BIN1: variants seen among roughly 807,000 people sequenced by gnomAD.
BIN1 encodes the protein bridging integrator 1, also known as myc box-dependent-interacting protein 1.
In BIN1, 53 loss-of-function variants were observed where a neutral mutation model predicts 82.0. The ratio of observed to expected loss-of-function variants is 0.65; its 90% CI spans 0.52 to 0.81. The LOEUF is 0.81. BIN1 is among the 40% of genes least tolerant of loss of function. BIN1 has a pLI of 0.00. For missense variants in BIN1, 642 were observed against 784.4 expected (o/e 0.82, Z 2.17); for synonymous variants, 302 against 328.0 (o/e 0.92, Z 0.86).
rs1170417423 is a variant in BIN1, at chr2:127,049,174, G to C, written c.1675-541C>G. Among the ~76,000 whole-genome samples, 6 of 152,354 alleles carry C rather than the reference G, an allele frequency of 3.9e-5. 1 individual carries two copies. In the East Asian group the frequency reaches 1.2e-3, roughly 29 times the overall value. On this transcript the variant is annotated intron_variant, in intron 18 of 18. Coordinates refer to ENST00000316724, the MANE Select transcript of BIN1 (RefSeq NM_139343.3). Reference sequence around the variant, plus strand: ...CCGAGGCTGCCCCTGCAGCTGGGCTGTGCCTGGGGCCTACCTGGGTCTTTG... The same window carrying C: ...CCGAGGCTGCCCCTGCAGCTGGGCTCTGCCTGGGGCCTACCTGGGTCTTTG...
At chr2:127,049,982 T>TGG (rs1682680398) in intron 18 of BIN1, among the ~76,000 whole-genome samples, 2 of 152,192 alleles carry the variant, frequency 1.3e-5, no homozygotes, top group Non-Finnish European at 2.9e-5. Context: ...CGGGGCTTCA[T>TGG]GAGCCCAACC....
At chr2:127,101,000 G>GGC (rs1680259050) in intron 1 of BIN1, among the ~76,000 whole-genome samples, 1 of 107,576 alleles carries the variant, frequency 9.3e-6, no homozygotes, top group African/African-American at 3.7e-5. Flanking sequence ...AGGAATGTGC[G>GGC]GGGGGTGGGG....
At chr2:127,054,077 G>A in intron 12 of BIN1, 65 bp from the exon 13 acceptor site, 2 of 1,380,716 alleles carry the variant, frequency 1.4e-6, no homozygotes, top group Admixed American at 2.0e-5. Flanking sequence ...CCTCACCCCA[G>A]GCAGACACTG....
intron 1 of BIN1, among the ~76,000 whole-genome samples, chr2:127,083,408 G>A (rs1003406123): frequency 2.0e-5 from 3 of 152,122 alleles, no homozygotes; most frequent in Non-Finnish European, 2.9e-5. Context: ...AACCGTTCCT[G>A]CATTTGTATG....
At chr2:127,078,564 G>C (rs1302224519) in intron 1 of BIN1, among the ~76,000 whole-genome samples, 1 of 152,162 alleles carries the variant, frequency 6.6e-6, no homozygotes, top group South Asian at 2.1e-4. Context: ...TGGGCACCGG[G>C]AGGCAGCCAC....
chr2:127,083,272 G>T (rs1163305562), intron 1 of BIN1, among the ~76,000 whole-genome samples: 1 of 151,838 alleles, frequency 6.6e-6, no homozygotes, highest in Non-Finnish European at 1.5e-5. Flanking sequence ...TAGAGACAGG[G>T]CCTCGCTATG....
At chr2:127,071,989 C>T (rs1428153530) in intron 2 of BIN1, among the ~76,000 whole-genome samples, 3 of 152,140 alleles carry the variant, frequency 2.0e-5, no homozygotes, top group South Asian at 2.1e-4. Flanking sequence ...GGCTGACCTT[C>T]GTAGTAGAAG....
At chr2:127,060,536 T>A (rs1345449387) in intron 10 of BIN1, 4 of 1,611,212 alleles carry the variant, frequency 2.5e-6, no homozygotes, top group Admixed American at 1.7e-5. Flanking sequence ...GCAAGGCGCA[T>A]GCACAGGGCC....
At chr2:127,071,729 G>A (rs970661625) in intron 2 of BIN1, among the ~76,000 whole-genome samples, 4 of 152,186 alleles carry the variant, frequency 2.6e-5, no homozygotes, top group South Asian at 2.1e-4. Context: ...GGCTGCACAC[G>A]GGCTTTGAGG....
In BIN1 at chr2:127,068,063, G is replaced by T; in HGVS notation, c.612+100C>A. 2 of 1,249,182 alleles carry T rather than the reference G, an allele frequency of 1.6e-6. No individual in the cohort carries two copies. Among genetic ancestry groups the T allele is most frequent in the Non-Finnish European group, 2.3e-6 (2 of 874,206 alleles). 77.4% of individuals were successfully genotyped at this position (1,249,182 alleles called of 1,614,324 possible). The stretch of plus-strand genomic sequence containing the variant: ...GAGGCCTTTGAAAAACCCTGCCCCA[G>T]CTGGGCTCAGATGCCAGCCCTGCAT... On this transcript the variant is annotated intron_variant, in intron 7 of 18. Coordinates refer to ENST00000316724, the MANE Select transcript of BIN1 (RefSeq NM_139343.3). The surrounding 1 kb of genome is among the most constrained non-coding windows in gnomAD (Gnocchi z 4.9).
intron 9 of BIN1, among the ~76,000 whole-genome samples, chr2:127,062,970 T>C (rs1005487788): frequency 6.6e-6 from 1 of 152,216 alleles, no homozygotes. Flanking sequence ...TTCATCCATC[T>C]GGGCCCAAGA....
chr2:127,086,257 C>G (rs1210688159), intron 1 of BIN1, among the ~76,000 whole-genome samples: 6 of 152,192 alleles, frequency 3.9e-5, no homozygotes, highest in Non-Finnish European at 7.3e-5. Flanking sequence ...CTTTTGACTC[C>G]CAAACTGGGG....
At chr2:127,048,658 A>G in intron 18 of BIN1, 25 bp from the exon 19 acceptor site, 2 of 1,609,248 alleles carry the variant, frequency 1.2e-6, no homozygotes, top group Non-Finnish European at 1.7e-6. Context: ...ACCAGGTCGC[A>G]CAGGGATGAG....
In BIN1 at chr2:127,057,732, G is replaced by T; in HGVS notation, c.1003-131C>A. On this transcript the variant is annotated intron_variant, in intron 11 of 18. Coordinates refer to ENST00000316724, the MANE Select transcript of BIN1 (RefSeq NM_139343.3). This position sits in a 1 kb window ranked among gnomAD's most constrained non-coding sequence, Gnocchi z 5.0. The stretch of plus-strand genomic sequence containing the variant: ...ACAGTCCCACCCAGGCCACTGAGCA[G>T]GACGCAGCAAATGAAGAGTCACTGC... The T allele has an allele frequency of 8.4e-7, 1 of 1,188,740 alleles. No individual in the cohort carries two copies. Among genetic ancestry groups the T allele is most frequent in the Non-Finnish European group, 1.1e-6 (1 of 904,488 alleles). 73.6% of individuals were successfully genotyped at this position (1,188,740 alleles called of 1,614,324 possible). A position where few individuals can be genotyped will look rare whatever the true frequency, so the allele number is the denominator to read the frequency against.
At chr2:127,104,105 G>A (rs981614088) in intron 1 of BIN1, among the ~76,000 whole-genome samples, 1 of 152,262 alleles carries the variant, frequency 6.6e-6, no homozygotes, top group African/African-American at 2.4e-5. Flanking sequence ...AGCCCAGGAG[G>A]CACTGGGCCT....
At chr2:127,091,170 CCAGAGT>C (rs1378130408) in intron 1 of BIN1, among the ~76,000 whole-genome samples, 1 of 152,120 alleles carries the variant, frequency 6.6e-6, no homozygotes, top group Non-Finnish European at 1.5e-5. Flanking sequence ...GAGTGAATGC[CCAGAGT>C]CAGCTTTAGA....
chr2:127,098,825 G>T (rs1160950517), intron 1 of BIN1, among the ~76,000 whole-genome samples: 1 of 152,246 alleles, frequency 6.6e-6, no homozygotes. Flanking sequence ...GAGGACCGAG[G>T]CCAAGCCCTA....
rs112615417 is a variant in BIN1, at chr2:127,063,649, A to G, written c.699-3T>C. The stretch of plus-strand genomic sequence containing the variant: ...TGTTGACGTAGAAACCTACGCGGCT[A>G]CAGAAGGGCGGAAGGATGGGGGCCA... On this transcript the variant is annotated splice_region_variant and splice_polypyrimidine_tract_variant and intron_variant, in intron 8 of 18. Transcript: ENST00000316724. 1.2e-6 allele frequency: 2 copies of G among 1,613,210 alleles called. No homozygotes were observed. Among genetic ancestry groups the G allele is most frequent in the East Asian group, 2.2e-5 (1 of 44,864 alleles).
At position 127,089,587 on chromosome 2, in the gene BIN1, TG is replaced by T. The variant is rs1172100986; in HGVS notation, c.85-12882del. On this transcript the variant is annotated intron_variant, in intron 1 of 18. Transcript: ENST00000316724. ...GTGCAGACACAATGGCCAGGAACCC[TG>T]GGGTGGACTGGACACACCCCACCGT... Among the ~76,000 whole-genome samples, 11 of 152,146 alleles carry T rather than the reference TG, an allele frequency of 7.2e-5. No individual in the cohort carries two copies. The Middle Eastern group carries it at 0.014, about 188-fold the overall frequency.
Sources: gnomAD v4.1 joint callset for allele counts (sites outside exome capture counted in the v4.1 genomes callset) on GRCh38, gnomAD v4.1.1 for gene constraint, Gnocchi (gnomAD v3.1) non-coding constraint, MANE v1.5 for transcripts, NCBI Gene and HGNC (gene_info 2026-07-23, HGNC 2026-07-21) for gene names.